Variants in RGS22 observed in about 807,000 individuals in gnomAD.
RGS22 encodes the protein regulator of G protein signaling 22, also known as regulator of G-protein signaling 22.
RGS22 carries 148 observed loss-of-function variants against 172.9 expected under a neutral mutation model. That is an observed-to-expected ratio of 0.86 (90% CI 0.75 to 0.98). The LOEUF (loss-of-function observed/expected upper bound fraction) is 0.98. Ranked by LOEUF, RGS22 falls within the 50% of genes least tolerant of loss-of-function variation. RGS22 has a pLI of 0.00. For missense variants in RGS22, 1,347 were observed against 1,440.8 expected, an observed-to-expected ratio of 0.93 and a Z score of 1.05; for synonymous variants, 458 against 480.2, an observed-to-expected ratio of 0.95 and a Z score of 0.60.
chr8:100,053,203 G>A (rs1821870052), intron 9 of RGS22, among the ~76,000 whole-genome samples: 1 of 151,994 alleles, frequency 6.6e-6, no homozygotes, highest in African/African-American at 2.4e-5. Flanking sequence ...ATATACATTG[G>A]GAAAAACATC....
At chr8:100,011,999 A>T (rs978819341) in intron 14 of RGS22, among the ~76,000 whole-genome samples, 3 of 152,104 alleles carry the variant, frequency 2.0e-5, no homozygotes, top group African/African-American at 7.2e-5. Context: ...TAGAAGTCAG[A>T]GAGATAAGAG....
chr8:99,985,508 A>G (rs1563576046), intron 21 of RGS22, among the ~76,000 whole-genome samples: 1 of 152,188 alleles, frequency 6.6e-6, no homozygotes, highest in East Asian at 1.9e-4. Flanking sequence ...TAGTCAGAAC[A>G]TGCATCAGAA....
At chr8:100,074,070 T>G (rs1450727949) in intron 4 of RGS22, among the ~76,000 whole-genome samples, 1 of 152,232 alleles carries the variant, frequency 6.6e-6, no homozygotes, top group Admixed American at 6.5e-5. Context: ...TTAAAAAAAT[T>G]TCTTTAAGTT....
intron 23 of RGS22, among the ~76,000 whole-genome samples, chr8:99,968,699 G>T (rs572534333): frequency 2.0e-5 from 3 of 152,098 alleles, no homozygotes; most frequent in Non-Finnish European, 4.4e-5. Flanking sequence ...GAAAAGGAAT[G>T]AACAAAGCCT....
At chr8:100,017,756 T>G (rs1213635915) in intron 14 of RGS22, among the ~76,000 whole-genome samples, 2 of 152,216 alleles carry the variant, frequency 1.3e-5, no homozygotes, top group Non-Finnish European at 2.9e-5. Flanking sequence ...TTATACTATA[T>G]GATATATAAA....
intron 14 of RGS22, among the ~76,000 whole-genome samples, chr8:100,016,520 G>C (rs767393403): frequency 2.0e-5 from 3 of 152,176 alleles, no homozygotes; most frequent in Non-Finnish European, 4.4e-5. Context: ...ACTCACACCT[G>C]TAACCCCAGC....
chr8:100,059,279 C>A (rs555275982), intron 9 of RGS22, among the ~76,000 whole-genome samples: 2 of 151,990 alleles, frequency 1.3e-5, no homozygotes, highest in African/African-American at 4.8e-5. Context: ...TGGCAGAAGT[C>A]CTTACTTATC....
chr8:99,998,081 G>A (rs1285396080), intron 19 of RGS22, among the ~76,000 whole-genome samples: 1 of 151,916 alleles, frequency 6.6e-6, no homozygotes, highest in Non-Finnish European at 1.5e-5. Flanking sequence ...ATTTTTTAAG[G>A]AAATCTGCAT....
intron 15 of RGS22, among the ~76,000 whole-genome samples, chr8:100,007,257 G>A (rs1315759439): frequency 6.6e-6 from 1 of 152,196 alleles, no homozygotes; most frequent in Non-Finnish European, 1.5e-5. Flanking sequence ...AAAGGCAGCA[G>A]AGTTCCGCCT....
At position 99,966,902 on chromosome 8, in the gene RGS22, T is replaced by C. The variant is rs188386526; in HGVS notation, c.3520-1472A>G. 4.1e-3 allele frequency among the ~76,000 whole-genome samples: 620 copies of C among 152,348 alleles called. 5 individuals are homozygous for C. The highest frequency in any genetic ancestry group is 4.4e-3 in the Non-Finnish European group (296 of 68,028). ...GCAACCTCTATTCTTTCTGTTTCTATGAATTTGACTATTATAGGTACCTCA... is the reference window on the plus strand; with the variant it reads ...GCAACCTCTATTCTTTCTGTTTCTACGAATTTGACTATTATAGGTACCTCA... On this transcript the variant is annotated intron_variant, in intron 23 of 27. Transcript: ENST00000360863.
intron 11 of RGS22, among the ~76,000 whole-genome samples, chr8:100,043,318 T>TC (rs34338006): frequency 0.19 from 29,025 of 152,150 alleles, 2,980 homozygotes; most frequent in African/African-American, 0.26. Context: ...CTTGAACCTG[T>TC]CCCTCTATTC....
intron 3 of RGS22, among the ~76,000 whole-genome samples, chr8:100,081,214 C>T (rs1811727673): frequency 6.6e-6 from 1 of 151,972 alleles, no homozygotes; most frequent in South Asian, 2.1e-4. Context: ...TTAAATTCTT[C>T]CCCTTGGATC....
intron 14 of RGS22, among the ~76,000 whole-genome samples, chr8:100,015,289 TTTTC>T (rs142998285): frequency 2.0e-5 from 3 of 151,920 alleles, no homozygotes; most frequent in Admixed American, 6.6e-5. Context: ...TTTTCTTTTC[TTTTC>T]TTTCTTTCTT....
At chr8:100,093,577 C>T (rs1350416075) in intron 2 of RGS22, 68 bp from the exon 3 acceptor site, 5 of 1,019,040 alleles carry the variant, frequency 4.9e-6, no homozygotes, top group Non-Finnish European at 7.4e-6. Context: ...ATATTATTCT[C>T]TATTTCTGCT....
chr8:100,020,842 C>T (rs529228728), intron 14 of RGS22, among the ~76,000 whole-genome samples: 104 of 152,266 alleles, frequency 6.8e-4, no homozygotes, highest in African/African-American at 2.3e-3. Flanking sequence ...TACTGTTTTG[C>T]GATTAATATT....
At chr8:99,961,641 G>A (rs1258353008) in intron 27 of RGS22, among the ~76,000 whole-genome samples, 1 of 152,088 alleles carries the variant, frequency 6.6e-6, no homozygotes, top group Non-Finnish European at 1.5e-5. Context: ...TTCTTCATAG[G>A]AGCATGAGAA....
At chr8:100,046,915 A>G (rs909655492) in intron 11 of RGS22, among the ~76,000 whole-genome samples, 3 of 151,894 alleles carry the variant, frequency 2.0e-5, no homozygotes. Context: ...CCCGGGTTCA[A>G]GTGATTCTTA....
intron 3 of RGS22, among the ~76,000 whole-genome samples, chr8:100,085,126 C>T (rs1307634273): frequency 2.6e-5 from 4 of 152,050 alleles, no homozygotes; most frequent in Non-Finnish European, 5.9e-5. Context: ...CTAGATAAAC[C>T]GAAGGTGCTT....
At chr8:99,964,158 T>C (rs1810485832) in intron 24 of RGS22, among the ~76,000 whole-genome samples, 2 of 151,868 alleles carry the variant, frequency 1.3e-5, no homozygotes, top group South Asian at 2.1e-4. Flanking sequence ...TACTGACTTG[T>C]GATAAAAAAA....
Sources: allele counts gnomAD v4.1 joint callset (sites outside exome capture counted in the v4.1 genomes callset), GRCh38; gene constraint gnomAD v4.1.1; transcripts MANE v1.5; gene names NCBI Gene and HGNC (gene_info 2026-07-23, HGNC 2026-07-21).